SHROOM2: variants seen among roughly 807,000 people sequenced by gnomAD.
SHROOM2 encodes the protein protein Shroom2.
A neutral mutation model predicts 75.9 loss-of-function variants in SHROOM2; 33 were observed. The ratio of observed to expected loss-of-function variants is 0.43; its 90% CI spans 0.33 to 0.58. The LOEUF (loss-of-function observed/expected upper bound fraction) is 0.58, where lower values mean the gene tolerates loss of function less well. SHROOM2 is among the 20% of genes least tolerant of loss of function. SHROOM2 has a pLI of 0.04. For missense variants in SHROOM2, 1,434 were observed against 1,461.2 expected (o/e 0.98, Z 0.30); for synonymous variants, 655 against 663.6 (o/e 0.99, Z 0.20).
intron 1 of SHROOM2, among the ~76,000 whole-genome samples, chrX:9,808,162 T>G (rs2083766570): frequency 1.8e-5 from 2 of 111,409 alleles, no homozygotes; most frequent in African/African-American, 6.5e-5. Flanking sequence ...CCCTCTCAGA[T>G]TAAAGGTGTG....
chrX:9,919,229 G>A (rs923680606), intron 5 of SHROOM2, among the ~76,000 whole-genome samples: 16 of 108,434 alleles, frequency 1.5e-4, no homozygotes, highest in Admixed American at 1.4e-3. Context: ...GTGCAGTCTA[G>A]GAATCAACAG....
At position 9,873,558 on chromosome X, in the gene SHROOM2, A is replaced by G. The variant is rs187954990; in HGVS notation, c.166-94A>G. ...TCAGCCCCCAGGGCCCATTCCCGCCAAGTGTGAGGTATGTCTGCTGCGTTC... is the reference window on the plus strand; with the variant it reads ...TCAGCCCCCAGGGCCCATTCCCGCCGAGTGTGAGGTATGTCTGCTGCGTTC... On this transcript the variant is annotated intron_variant, in intron 1 of 9. Coordinates refer to ENST00000380913, the MANE Select transcript of SHROOM2 (RefSeq NM_001649.4). The G allele has an allele frequency of 1.5e-4, 156 of 1,035,452 alleles. 1 individual carries two copies. In the African/African-American group the frequency reaches 2.6e-3, roughly 17 times the overall value. The allele number at this position is 1,035,452 out of a possible 1,213,427, so 85.3% of individuals were successfully genotyped here.
chrX:9,905,555 G>A (rs1030585122), intron 5 of SHROOM2, among the ~76,000 whole-genome samples: 4 of 113,332 alleles, frequency 3.5e-5, no homozygotes, highest in South Asian at 3.5e-4. Flanking sequence ...GAGGACTGAC[G>A]CGTGGGCGGT....
In SHROOM2 at chrX:9,912,817, G is replaced by A. The variant is rs776785987; in HGVS notation, c.2891+14527G>A. 4.4e-5 allele frequency: 5 copies of A among 112,514 alleles called. No individual in the cohort carries two copies. The South Asian group carries it at 1.9e-3, about 42-fold the overall frequency. The allele number at this position is 112,514 out of a possible 1,213,427, so 9.3% of individuals were successfully genotyped here. ...TGTTTATTCTTCTGCCTGAAGATGA[G>A]AAATAATGCAAATCAGGGTGCAGAT... On this transcript the variant is annotated intron_variant, in intron 5 of 9. Coordinates refer to ENST00000380913, the MANE Select transcript of SHROOM2 (RefSeq NM_001649.4).
rs377461812 is a variant in SHROOM2, at chrX:9,872,601, A to G, written c.166-1051A>G. ...AAAGGGAAAAAAAGCTGTAGAATGGATGGCATTCAAGCTGTTACGGAGTCA... is the reference window on the plus strand; with the variant it reads ...AAAGGGAAAAAAAGCTGTAGAATGGGTGGCATTCAAGCTGTTACGGAGTCA... On this transcript the variant is annotated intron_variant, in intron 1 of 9. Coordinates refer to ENST00000380913, the MANE Select transcript of SHROOM2 (RefSeq NM_001649.4). Among the ~76,000 whole-genome samples, 7 of 112,088 alleles carry G rather than the reference A, an allele frequency of 6.2e-5. No individual in the cohort carries two copies. In the East Asian group the frequency reaches 2.0e-3, roughly 31 times the overall value.
In SHROOM2 at chrX:9,949,428, T is replaced by G. The variant is rs2084853137; in HGVS notation, c.*2491T>G. ...TGCTTGACTGTAACAAAATAAATAGTGTCTCTTCAAGTGAATGGAGATGTC... is the reference window on the plus strand; with the variant it reads ...TGCTTGACTGTAACAAAATAAATAGGGTCTCTTCAAGTGAATGGAGATGTC... On this transcript the variant is annotated 3_prime_UTR_variant, in exon 10 of 10. Transcript: ENST00000380913. The G allele has an allele frequency of 3.0e-6, 1 of 328,991 alleles. No homozygotes were observed. The highest frequency in any genetic ancestry group is 2.7e-5 in the African/African-American group (1 of 37,520). 27.1% of individuals were successfully genotyped at this position (328,991 alleles called of 1,213,427 possible). A position where few individuals can be genotyped will look rare whatever the true frequency, so the allele number is the denominator to read the frequency against.
At chrX:9,888,312 C>T (rs1000601816) in intron 2 of SHROOM2, among the ~76,000 whole-genome samples, 7 of 112,094 alleles carry the variant, frequency 6.2e-5, no homozygotes, top group Non-Finnish European at 1.1e-4. Flanking sequence ...GTGTCTGGTG[C>T]GTGGGGCCAG....
At chrX:9,866,425 T>TAA (rs202060177) in intron 1 of SHROOM2, among the ~76,000 whole-genome samples, 9 of 107,178 alleles carry the variant, frequency 8.4e-5, no homozygotes, top group African/African-American at 1.0e-4. Context: ...ATATTGGACT[T>TAA]AAAAAAAAAC....
At chrX:9,868,349 G>A (rs924311368) in intron 1 of SHROOM2, among the ~76,000 whole-genome samples, 1 of 108,915 alleles carries the variant, frequency 9.2e-6, no homozygotes, top group Non-Finnish European at 1.9e-5. Context: ...GGGTTCAAGC[G>A]ACTCTCCTGA....
intron 2 of SHROOM2, among the ~76,000 whole-genome samples, chrX:9,877,511 A>G (rs2084207396): frequency 9.0e-6 from 1 of 111,204 alleles, no homozygotes; most frequent in Non-Finnish European, 1.9e-5. Flanking sequence ...CTTGCAGGAA[A>G]GTTCAGGGCA....
chrX:9,902,300 T>C (rs935902497), intron 5 of SHROOM2, among the ~76,000 whole-genome samples: 4 of 108,341 alleles, frequency 3.7e-5, no homozygotes, highest in Non-Finnish European at 7.7e-5. Flanking sequence ...GATGGATGGA[T>C]AGAGGGGAGG....
At chrX:9,904,165 A>G (rs1194967200) in intron 5 of SHROOM2, among the ~76,000 whole-genome samples, 2 of 110,854 alleles carry the variant, frequency 1.8e-5, no homozygotes, top group Middle Eastern at 4.6e-3. Context: ...ATGCAGAGGA[A>G]AATTTAACTC....
chrX:9,901,324 A>G (rs745334132), intron 5 of SHROOM2, among the ~76,000 whole-genome samples: 3 of 111,893 alleles, frequency 2.7e-5, no homozygotes, highest in Admixed American at 1.9e-4. Flanking sequence ...GCTTCAGCAC[A>G]TTGATTTTGT....
intron 1 of SHROOM2, among the ~76,000 whole-genome samples, chrX:9,837,205 T>C (rs2083951408): frequency 8.9e-6 from 1 of 112,681 alleles, no homozygotes; most frequent in African/African-American, 3.2e-5. Context: ...GTCTCGGCTC[T>C]GGAAGTGACC....
rs751238217 is a variant in SHROOM2, at chrX:9,890,954, G to A, written c.318-23G>A. 5.9e-6 allele frequency: 7 copies of A among 1,184,761 alleles called. No individual in the cohort carries two copies. The Admixed American group carries it at 9.3e-5, about 16-fold the overall frequency. On this transcript the variant is annotated intron_variant, in intron 2 of 9. Transcript: ENST00000380913. ...CGCTGTGTGCAGTCCCTGACCCCCC[G>A]CCTCCCCTGCGTTCTTTTCTAGGAG... is the stretch of plus-strand genomic sequence containing the variant.
At chrX:9,862,533 G>T (rs1158469663) in intron 1 of SHROOM2, among the ~76,000 whole-genome samples, 2 of 111,344 alleles carry the variant, frequency 1.8e-5, no homozygotes, top group East Asian at 2.8e-4. Context: ...TCTAAAAGTC[G>T]CTGGGAAGCT....
At chrX:9,898,140 T>G in intron 4 of SHROOM2, 50 bp from the exon 5 acceptor site, 11 of 1,030,411 alleles carry the variant, frequency 1.1e-5, no homozygotes, top group Non-Finnish European at 1.5e-5. Flanking sequence ...ACAGATGTCC[T>G]GAGGAAGGCA....
chrX:9,940,010 C>T (rs1232254513), intron 8 of SHROOM2, among the ~76,000 whole-genome samples: 1 of 111,183 alleles, frequency 9.0e-6, no homozygotes, highest in Non-Finnish European at 1.9e-5. Context: ...CGGTCTCGAA[C>T]CTCAAGTGAT....
chrX:9,860,190 ACC>A (rs2084095782), intron 1 of SHROOM2, among the ~76,000 whole-genome samples: 1 of 111,622 alleles, frequency 9.0e-6, no homozygotes, highest in Non-Finnish European at 1.9e-5. Flanking sequence ...CCCCTGCAAT[ACC>A]CAGGGCAGCC....
Sources: gnomAD v4.1 joint callset for allele counts (sites outside exome capture counted in the v4.1 genomes callset) on GRCh38, gnomAD v4.1.1 for gene constraint, MANE v1.5 for transcripts, NCBI Gene and HGNC (gene_info 2026-07-23, HGNC 2026-07-21) for gene names.